Variants in PLXNA4 observed in about 807,000 individuals in gnomAD.
PLXNA4 encodes the protein plexin-A4.
Under a neutral mutation model 191.8 loss-of-function variants are expected in PLXNA4, and 44 were observed. The ratio of observed to expected loss-of-function variants is 0.23; its 90% CI spans 0.18 to 0.29. The LOEUF (loss-of-function observed/expected upper bound fraction) is 0.29. PLXNA4 is among the 10% of genes least tolerant of loss of function. The pLI, the probability that PLXNA4 is intolerant of heterozygous loss-of-function variation, is 1.00. For synonymous variants in PLXNA4, 1,082 were observed against 1,009.5 expected (o/e 1.07, Z -1.36); for missense variants, 1,800 against 2,488.8 (o/e 0.72, Z 5.89).
chr7:132,570,449 G>A (rs1801927415), intron 1 of PLXNA4, among the ~76,000 whole-genome samples: 1 of 152,178 alleles, frequency 6.6e-6, no homozygotes, highest in Non-Finnish European at 1.5e-5. Flanking sequence ...CTGGGTCAAA[G>A]CCAAGGAATG....
chr7:132,599,113 C>T lies in PLXNA4; in HGVS notation c.-87+46815G>A, dbSNP rs551208743. Among the ~76,000 whole-genome samples, 6 of 152,188 alleles carry T rather than the reference C, an allele frequency of 3.9e-5. No individual in the cohort carries two copies. In the South Asian group the frequency reaches 1.0e-3, roughly 26 times the overall value. ...TGTTCCATTGATTTTTTTGGCTGTTCTTGCCTGACCACCCCAGTTTTTGCT... is the reference window on the plus strand; with the variant it reads ...TGTTCCATTGATTTTTTTGGCTGTTTTTGCCTGACCACCCCAGTTTTTGCT... On this transcript the variant is annotated intron_variant, in intron 2 of 4. Coordinates refer to the PLXNA4 transcript ENST00000378539.
intron 2 of PLXNA4, among the ~76,000 whole-genome samples, chr7:132,637,411 C>T (rs537619274): frequency 6.6e-6 from 1 of 152,310 alleles, no homozygotes; most frequent in African/African-American, 2.4e-5. Flanking sequence ...CCAGGCTCTC[C>T]TTGGTTGCCT....
chr7:132,583,932 T>C (rs1802457779), intron 2 of PLXNA4, among the ~76,000 whole-genome samples: 1 of 152,228 alleles, frequency 6.6e-6, no homozygotes, highest in African/African-American at 2.4e-5. Flanking sequence ...TTCCCAACTC[T>C]GCAACCAGCG....
intron 3 of PLXNA4, among the ~76,000 whole-genome samples, chr7:132,480,566 G>T (rs1585198364): frequency 6.6e-6 from 1 of 151,876 alleles, no homozygotes; most frequent in African/African-American, 2.4e-5. Context: ...ACAAAGATGG[G>T]CCCAGTCTGT....
intron 2 of PLXNA4, among the ~76,000 whole-genome samples, chr7:132,636,067 G>C (rs969827916): frequency 6.6e-6 from 1 of 152,198 alleles, no homozygotes; most frequent in African/African-American, 2.4e-5. Context: ...AGGCTCCAAT[G>C]TGCATAGGGA....
chr7:132,409,484 T>C (rs1794362369), intron 3 of PLXNA4, among the ~76,000 whole-genome samples: 1 of 152,222 alleles, frequency 6.6e-6, no homozygotes, highest in Non-Finnish European at 1.5e-5. Flanking sequence ...ACATTGTCTG[T>C]CACCCCTTGA....
chr7:132,276,316 G>T (rs1800277278), intron 4 of PLXNA4, among the ~76,000 whole-genome samples: 1 of 152,042 alleles, frequency 6.6e-6, no homozygotes, highest in Admixed American at 6.6e-5. Context: ...TTCTCTTTCA[G>T]CTCTCTGTCT....
intron 2 of PLXNA4, among the ~76,000 whole-genome samples, chr7:132,605,906 G>A (rs1333489857): frequency 6.6e-6 from 1 of 152,170 alleles, no homozygotes; most frequent in African/African-American, 2.4e-5. Flanking sequence ...AAGGCCGGCT[G>A]TGGTTCCAGC....
chr7:132,211,409 C>T (rs775177105), intron 9 of PLXNA4, among the ~76,000 whole-genome samples: 11 of 152,256 alleles, frequency 7.2e-5, no homozygotes, highest in Non-Finnish European at 1.6e-4. Context: ...TCTGGATTCT[C>T]TGACACTCCT....
chr7:132,516,544 A>C (rs1053262489), intron 1 of PLXNA4, among the ~76,000 whole-genome samples: 1 of 152,228 alleles, frequency 6.6e-6, no homozygotes, highest in African/African-American at 2.4e-5. Flanking sequence ...ACAATGCAGG[A>C]GATGCCAGTT....
At chr7:132,241,209 A>G (rs748042833) in intron 4 of PLXNA4, 43 bp from the exon 5 acceptor site, 1 of 1,423,632 alleles carries the variant, frequency 7.0e-7, no homozygotes, top group South Asian at 1.2e-5. Flanking sequence ...GATTTTGCAG[A>G]ACACCCAGCA....
At chr7:132,282,333 G>A (rs1280235653) in intron 4 of PLXNA4, among the ~76,000 whole-genome samples, 1 of 152,060 alleles carries the variant, frequency 6.6e-6, no homozygotes, top group Non-Finnish European at 1.5e-5. Context: ...AGCACTTTGG[G>A]AGACCAAGGC....
At position 132,130,379 on chromosome 7, in the gene PLXNA4, T is replaced by C; in HGVS notation, c.*100A>G. The C allele has an allele frequency of 2.6e-6, 4 of 1,538,854 alleles. No individual in the cohort carries two copies. In the South Asian group the frequency reaches 4.6e-5, roughly 18 times the overall value. On this transcript the variant is annotated 3_prime_UTR_variant, in exon 32 of 32. Coordinates refer to ENST00000321063, the MANE Select transcript of PLXNA4 (RefSeq NM_020911.2). ...AGAAACAGCGCTGCTCAGGGGATGC[T>C]GCTGATGCCAGTCGGAACTTGCACT...
chr7:132,435,116 GTA>G (rs1236111994), intron 3 of PLXNA4, among the ~76,000 whole-genome samples: 1 of 152,156 alleles, frequency 6.6e-6, no homozygotes, highest in African/African-American at 2.4e-5. Flanking sequence ...CGAGCAGGAA[GTA>G]TGTTTGCCTC....
intron 1 of PLXNA4, among the ~76,000 whole-genome samples, chr7:132,574,299 C>G (rs923757131): frequency 6.6e-6 from 1 of 152,232 alleles, no homozygotes; most frequent in Non-Finnish European, 1.5e-5. Context: ...TATCCCTTTG[C>G]CTCTTCCAGG....
At chr7:132,488,502 A>C (rs1317920492) in intron 3 of PLXNA4, among the ~76,000 whole-genome samples, 1 of 152,164 alleles carries the variant, frequency 6.6e-6, no homozygotes, top group East Asian at 1.9e-4. Flanking sequence ...AAAGGACTAA[A>C]ATGCAATTAT....
At chr7:132,359,108 T>C (rs1803826420) in intron 3 of PLXNA4, among the ~76,000 whole-genome samples, 1 of 151,504 alleles carries the variant, frequency 6.6e-6, no homozygotes, top group Non-Finnish European at 1.5e-5. Context: ...AAATGGGTAC[T>C]ACAAAGAGAC....
intron 28 of PLXNA4, chr7:132,145,514 G>A: frequency 3.5e-6 from 2 of 578,660 alleles, no homozygotes; most frequent in Non-Finnish European, 2.9e-6. Flanking sequence ...CTGATGACTG[G>A]ACCTACGTAA....
At chr7:132,173,577 A>C (rs1796358393) in intron 21 of PLXNA4, among the ~76,000 whole-genome samples, 1 of 152,194 alleles carries the variant, frequency 6.6e-6, no homozygotes, top group Non-Finnish European at 1.5e-5. Flanking sequence ...TCATGCAACA[A>C]GCAAGTATGG....
Sources: allele counts gnomAD v4.1 joint callset (sites outside exome capture counted in the v4.1 genomes callset), GRCh38; gene constraint gnomAD v4.1.1; transcripts MANE v1.5; gene names NCBI Gene and HGNC (gene_info 2026-07-23, HGNC 2026-07-21).